The following ZCCHC2 variants were observed in gnomAD, a reference collection of about 807,000 sequenced individuals.
ZCCHC2 encodes zinc finger CCHC domain-containing protein 2.
A neutral mutation model predicts 103.6 loss-of-function variants in ZCCHC2; 39 were observed. That is an observed-to-expected ratio of 0.38 (90% CI 0.29 to 0.49). The LOEUF is 0.49. Among genes scored for constraint, ZCCHC2 ranks in the 20% least tolerant of loss-of-function variants. The probability of loss-of-function intolerance (pLI) is 0.96; values close to 1 mark genes in which losing one functional copy is unlikely to be tolerated. For synonymous variants in ZCCHC2, 687 were observed against 608.9 expected (o/e 1.13, Z -1.89); for missense variants, 1,483 against 1,491.0 (o/e 0.99, Z 0.09).
At chr18:62,534,792 AT>A (rs1914849877) in intron 1 of ZCCHC2, among the ~76,000 whole-genome samples, 1 of 152,210 alleles carries the variant, frequency 6.6e-6, no homozygotes, top group Non-Finnish European at 1.5e-5. Flanking sequence ...AAAAGAGGTC[AT>A]CCCTCATACA....
downstream of ZCCHC2, among the ~76,000 whole-genome samples, chr18:62,582,129 A>ATG (rs1378285775): frequency 6.6e-6 from 1 of 151,414 alleles, no homozygotes; most frequent in Non-Finnish European, 1.5e-5. Flanking sequence ...AGTTGGTTGA[A>ATG]TGAAAAATGG....
In ZCCHC2 at chr18:62,574,944, G is replaced by A. The variant is rs1022395354; in HGVS notation, c.2863G>A (p.Ala955Thr). 1.2e-6 allele frequency: 2 copies of A among 1,613,716 alleles called. No individual in the cohort carries two copies. Among genetic ancestry groups the A allele is most frequent in the African/African-American group, 2.7e-5 (2 of 74,904 alleles). ...PASAGISQAQ[A>T]TVPPAVPTHT... ...GAGCGCAGGTATCAGCCAGGCCCAG[G>A]CAACTGTTCCTCCTGCAGTTCCTAC... Residue 955 changes from alanine to threonine, a missense_variant, in exon 13 of 14, where the codon GCA (alanine) becomes ACA (threonine). Ala to Thr is a moderately conservative substitution (Grantham distance 58). Coordinates refer to ENST00000269499, the MANE Select transcript of ZCCHC2 (RefSeq NM_017742.6).
chr18:62,572,530 G>C (rs546589416), intron 12 of ZCCHC2, among the ~76,000 whole-genome samples: 1 of 152,278 alleles, frequency 6.6e-6, no homozygotes, highest in East Asian at 1.9e-4. Context: ...AGAGAGTTTT[G>C]ATCATTTTTA....
In ZCCHC2 at chr18:62,558,714, C is replaced by A. The variant is rs781027557; in HGVS notation, c.1436C>A (p.Ser479Tyr). 3.9e-6 allele frequency: 6 copies of A among 1,546,498 alleles called. No homozygotes were observed. The highest frequency in any genetic ancestry group is 5.2e-6 in the Non-Finnish European group (6 of 1,144,912). The stretch of plus-strand genomic sequence containing the variant: ...AACTTACAATCCTCTCTGAAGACTT[C>A]TAAGATATTAGAACACTTAAAAGAA... ...INNLQSSLKT[S>Y]KILEHLKEDS... Residue 479 changes from serine to tyrosine, a missense_variant, in exon 7 of 14, where the codon TCT becomes TAT. Ser to Tyr is a moderately radical substitution (Grantham distance 144). Coordinates refer to ENST00000269499, the MANE Select transcript of ZCCHC2 (RefSeq NM_017742.6).
At chr18:62,572,079 GTCT>G (rs1916618709) in intron 12 of ZCCHC2, among the ~76,000 whole-genome samples, 2 of 152,012 alleles carry the variant, frequency 1.3e-5, no homozygotes, top group African/African-American at 4.8e-5. Context: ...GATTTTTTTC[GTCT>G]TCTTTTTTTA....
At chr18:62,529,319 C>T (rs1472358989) in intron 1 of ZCCHC2, among the ~76,000 whole-genome samples, 3 of 152,098 alleles carry the variant, frequency 2.0e-5, no homozygotes, top group Non-Finnish European at 4.4e-5. Context: ...CTGACTGAGG[C>T]TTCCCTCCCG....
rs1218682133 is a variant in ZCCHC2, at chr18:62,578,387, G to C, written c.*1808G>C. On this transcript the variant is annotated 3_prime_UTR_variant, in exon 14 of 14. Transcript: ENST00000269499. ...GAATCACTTGCCAGTTGTACTTTAT[G>C]GAGCTTATTTTATGATTTAAAATAC... The C allele has an allele frequency of 6.6e-6, 1 of 152,556 alleles. No homozygotes were observed. The highest frequency in any genetic ancestry group is 2.4e-5 in the African/African-American group (1 of 41,422). 9.5% of individuals were successfully genotyped at this position (152,556 alleles called of 1,614,324 possible). A position where few individuals can be genotyped will look rare whatever the true frequency, so the allele number is the denominator to read the frequency against.
intron 1 of ZCCHC2, among the ~76,000 whole-genome samples, chr18:62,537,680 A>G (rs1042632418): frequency 6.6e-6 from 1 of 152,198 alleles, no homozygotes; most frequent in African/African-American, 2.4e-5. Flanking sequence ...TTATCTGTTC[A>G]TCCATTGATG....
chr18:62,555,847 C>T (rs1223631606), intron 5 of ZCCHC2, among the ~76,000 whole-genome samples: 4 of 151,742 alleles, frequency 2.6e-5, no homozygotes, highest in Non-Finnish European at 4.4e-5. Context: ...GAGAAGAACA[C>T]CTGTGGAGAA....
chr18:62,579,204 C>T (rs576509471), downstream of ZCCHC2, among the ~76,000 whole-genome samples: 1 of 152,318 alleles, frequency 6.6e-6, no homozygotes, highest in East Asian at 1.9e-4. Context: ...ACCTTGAGCT[C>T]GTATTTCCAG....
At chr18:62,569,105 A>G (rs767350205) in intron 11 of ZCCHC2, among the ~76,000 whole-genome samples, 7 of 152,216 alleles carry the variant, frequency 4.6e-5, no homozygotes, top group Non-Finnish European at 7.3e-5. Context: ...GGAATTTAGC[A>G]ACATCAACAT....
chr18:62,547,540 GGTTT>G lies in ZCCHC2; in HGVS notation c.1200+2676_1200+2679del, dbSNP rs1399244691. Among the ~76,000 whole-genome samples, 14 of 151,480 alleles carry G rather than the reference GGTTT, an allele frequency of 9.2e-5. No individual in the cohort carries two copies. The East Asian group carries it at 1.2e-3, about 13-fold the overall frequency. ...CTGGCCCCCTTCACCTGTTTTTGTG[GGTTT>G]GTTTGTTTTTTTTTTTTCTTTTCTT... On this transcript the variant is annotated intron_variant, in intron 4 of 13. Transcript: ENST00000269499.
rs781130454 is a variant in ZCCHC2 at position 62,556,222 on chromosome 18, T to C, written c.1333T>C (p.Ser445Pro). The C allele has an allele frequency of 6.2e-7, 1 of 1,603,072 alleles. No individual in the cohort carries two copies. Among genetic ancestry groups the C allele is most frequent in the South Asian group, 1.1e-5 (1 of 88,572 alleles). Reference sequence around the variant, plus strand: ...GTGCAGGCAGCTATTTTCAAGTTCATCACAAGCTTTTCTACAAAGTCAGAA... The same window carrying C: ...GTGCAGGCAGCTATTTTCAAGTTCACCACAAGCTTTTCTACAAAGTCAGAA... ...PILRQLFSSS[S>P]QAFLQSQKVH... Residue 445 changes from serine (S) to proline (P), a missense_variant, in exon 6 of 14, where the codon TCA becomes CCA. By Grantham distance (74) the Ser-to-Pro change is moderately conservative (BLOSUM62 -1). Around this residue, in one of 3 missense-constraint regions of ZCCHC2, gnomAD observed 884 missense variants for 907.5 expected, o/e 0.97. Coordinates refer to ENST00000269499, the MANE Select transcript of ZCCHC2 (RefSeq NM_017742.6).
At chr18:62,543,828 G>T (rs7229222) in intron 3 of ZCCHC2, among the ~76,000 whole-genome samples, 2 of 151,986 alleles carry the variant, frequency 1.3e-5, no homozygotes, top group African/African-American at 4.8e-5. Flanking sequence ...CTCAGTCAGC[G>T]GAGACTTAAC....
At chr18:62,558,579 C>A (rs1330829581) in intron 6 of ZCCHC2, 108 bp from the exon 7 acceptor site, 2 of 613,390 alleles carry the variant, frequency 3.3e-6, no homozygotes, top group Non-Finnish European at 5.4e-6. Context: ...ATGTTTTCTT[C>A]ACCACTCACC....
At chr18:62,550,537 G>A in intron 5 of ZCCHC2, 77 bp downstream of exon 5, 4 of 1,027,756 alleles carry the variant, frequency 3.9e-6, no homozygotes, top group South Asian at 1.5e-5. Context: ...TCTTCAGGTG[G>A]GGGAATCATA....
rs779901667 is a variant in ZCCHC2, at chr18:62,574,760, T to A, written c.2679T>A (p.Pro893=). 2 of 1,613,882 alleles carry A rather than the reference T, an allele frequency of 1.2e-6. No homozygotes were observed. The highest frequency in any genetic ancestry group is 3.3e-5 in the Admixed American group (2 of 60,000). Residue 893 remains proline, a synonymous_variant, in exon 13 of 14, where the codon CCT becomes CCA. Transcript: ENST00000269499. ...PQIEGNTGTV[P]QPTNVKVVLP... ...TTGAGGGAAACACAGGGACAGTCCCTCAGCCTACCAATGTGAAGGTAGTTC... is the reference window on the plus strand; with the variant it reads ...TTGAGGGAAACACAGGGACAGTCCCACAGCCTACCAATGTGAAGGTAGTTC...
At chr18:62,525,822 T>G (rs1367180462) in intron 1 of ZCCHC2, 4 of 152,098 alleles carry the variant, frequency 2.6e-5, no homozygotes, top group East Asian at 1.9e-4. Flanking sequence ...GGTAAAAGCC[T>G]CCTCCACTCT....
Position 62,558,732 on chromosome 18 carries a change from TAAAAG to T in ZCCHC2, c.1457_1461del (p.Lys486ArgfsTer4), listed in dbSNP as rs1159403169. On this transcript the variant is annotated frameshift_variant, in exon 7 of 14. Coordinates refer to ENST00000269499, the MANE Select transcript of ZCCHC2 (RefSeq NM_017742.6). LOFTEE classifies it high-confidence loss of function. ...AAGACTTCTAAGATATTAGAACACTTAAAAGAAGACAGCTCTGAAGCTTCAAGTCA... is the reference window on the plus strand; with the variant it reads ...AAGACTTCTAAGATATTAGAACACTTAAGACAGCTCTGAAGCTTCAAGTCA... 6.5e-7 allele frequency: 1 copy of T among 1,549,634 alleles called. No individual in the cohort carries two copies. Among genetic ancestry groups the T allele is most frequent in the Admixed American group, 2.0e-5 (1 of 50,814 alleles).
Sources: allele counts gnomAD v4.1 joint callset (sites outside exome capture counted in the v4.1 genomes callset), GRCh38; gene constraint gnomAD v4.1.1; regional missense constraint gnomAD v4.1.1; transcripts MANE v1.5; gene names NCBI Gene and HGNC (gene_info 2026-07-23, HGNC 2026-07-21).